Variants in EXOC4 observed in about 807,000 individuals in gnomAD.
The protein encoded by EXOC4 is SEC8-like 1.
A neutral mutation model predicts 107.2 loss-of-function variants in EXOC4; 71 were observed. The ratio of observed to expected loss-of-function variants is 0.66; its 90% CI spans 0.55 to 0.81. The LOEUF (loss-of-function observed/expected upper bound fraction) is 0.81. Among genes scored for constraint, EXOC4 ranks in the 30% least tolerant of loss-of-function variants. EXOC4 has a pLI of 0.00. For missense variants in EXOC4, 1,108 were observed against 1,189.6 expected (o/e 0.93, Z 1.01); for synonymous variants, 456 against 441.2 (o/e 1.03, Z -0.42).
chr7:134,070,674 C>T (rs1796262000), downstream of EXOC4, among the ~76,000 whole-genome samples: 1 of 152,080 alleles, frequency 6.6e-6, no homozygotes, highest in African/African-American at 2.4e-5. Context: ...AGGACATTTA[C>T]ACACCTGGAG....
At chr7:133,289,150 G>C (rs775980744) in intron 3 of EXOC4, 34 bp downstream of exon 3, 2 of 1,588,606 alleles carry the variant, frequency 1.3e-6, no homozygotes. Flanking sequence ...GGTCATTTTT[G>C]TTAAGATGTA....
At chr7:133,725,107 G>C (rs1206310223) in intron 10 of EXOC4, among the ~76,000 whole-genome samples, 2 of 152,130 alleles carry the variant, frequency 1.3e-5, no homozygotes, top group African/African-American at 4.8e-5. Context: ...AACCCTTTGT[G>C]GTTATTGAAC....
intron 15 of EXOC4, among the ~76,000 whole-genome samples, chr7:133,998,696 A>G (rs1184329285): frequency 6.6e-6 from 1 of 152,214 alleles, no homozygotes; most frequent in Admixed American, 6.6e-5. Context: ...CAGATGTCAT[A>G]GAAGCCATGG....
chr7:134,073,192 A>C, the EXOC4 span, among the ~76,000 whole-genome samples: 1 of 116,274 alleles, frequency 8.6e-6, no homozygotes, highest in Non-Finnish European at 1.7e-5. Context: ...GGCAACAGAG[A>C]GAGACTTCCT....
intron 7 of EXOC4, among the ~76,000 whole-genome samples, chr7:133,404,460 C>T (rs962623022): frequency 6.6e-6 from 1 of 152,022 alleles, no homozygotes; most frequent in Non-Finnish European, 1.5e-5. Flanking sequence ...CACACAAGGC[C>T]TTCCTTGAGT....
chr7:133,977,138 A>G (rs1194490171), intron 14 of EXOC4, among the ~76,000 whole-genome samples: 1 of 152,256 alleles, frequency 6.6e-6, no homozygotes, highest in Non-Finnish European at 1.5e-5. Flanking sequence ...AAGCTTTTAC[A>G]GAATAATTGA....
intron 6 of EXOC4, among the ~76,000 whole-genome samples, chr7:133,366,764 A>G (rs901883644): frequency 3.9e-5 from 6 of 152,188 alleles, no homozygotes; most frequent in South Asian, 2.1e-4. Flanking sequence ...TATTTTGCCA[A>G]TCAGTGTCAT....
At chr7:133,454,107 A>T (rs1798409997) in intron 7 of EXOC4, among the ~76,000 whole-genome samples, 1 of 152,216 alleles carries the variant, frequency 6.6e-6, no homozygotes, top group Non-Finnish European at 1.5e-5. Flanking sequence ...AAAATTAAAG[A>T]CATGCTACTA....
intron 9 of EXOC4, among the ~76,000 whole-genome samples, chr7:133,584,245 A>T (rs1475962853): frequency 6.6e-6 from 1 of 152,162 alleles, no homozygotes; most frequent in East Asian, 1.9e-4. Context: ...ATGATTGTGT[A>T]TTTGATCAGA....
At position 133,811,211 on chromosome 7, in the gene EXOC4, C is replaced by T. The variant is rs535802581; in HGVS notation, c.1515-6114C>T. On this transcript the variant is annotated intron_variant, in intron 10 of 17. Coordinates refer to ENST00000253861, the MANE Select transcript of EXOC4 (RefSeq NM_021807.4). Reference sequence around the variant, plus strand: ...AAACCCCTGGTATAAAAGTACTTCACGAGATTAAATAATACTCTTTTGACA... The same window carrying T: ...AAACCCCTGGTATAAAAGTACTTCATGAGATTAAATAATACTCTTTTGACA... 5.3e-5 allele frequency among the ~76,000 whole-genome samples: 8 copies of T among 152,240 alleles called. No homozygotes were observed. In the South Asian group the frequency reaches 1.2e-3, roughly 24 times the overall value.
intron 10 of EXOC4, among the ~76,000 whole-genome samples, chr7:133,783,052 A>C (rs1796500146): frequency 6.6e-6 from 1 of 152,178 alleles, no homozygotes; most frequent in Admixed American, 6.5e-5. Context: ...TAAAATGGGG[A>C]AAATGGGAGT....
At chr7:133,491,599 T>A (rs1799372153) in intron 9 of EXOC4, among the ~76,000 whole-genome samples, 1 of 152,174 alleles carries the variant, frequency 6.6e-6, no homozygotes. Context: ...CACTGGAGGT[T>A]ATGGTGTACA....
chr7:133,851,675 A>G (rs570339941), intron 11 of EXOC4, among the ~76,000 whole-genome samples: 44 of 152,354 alleles, frequency 2.9e-4, no homozygotes, highest in African/African-American at 1.1e-3. Flanking sequence ...TCATGTGGAA[A>G]GTAGAGCAAG....
At chr7:133,660,810 A>T (rs1456767332) in intron 10 of EXOC4, among the ~76,000 whole-genome samples, 1 of 152,088 alleles carries the variant, frequency 6.6e-6, no homozygotes, top group East Asian at 1.9e-4. Flanking sequence ...GATGTGTGGG[A>T]TGTACTGCCG....
intron 3 of EXOC4, among the ~76,000 whole-genome samples, chr7:133,298,564 G>T (rs1163905036): frequency 6.6e-6 from 1 of 152,044 alleles, no homozygotes; most frequent in East Asian, 1.9e-4. Flanking sequence ...GAATTGAAGG[G>T]ACCATGAGGT....
chr7:133,462,116 G>C (rs1030461955), intron 7 of EXOC4, among the ~76,000 whole-genome samples: 2 of 152,190 alleles, frequency 1.3e-5, no homozygotes, highest in African/African-American at 4.8e-5. Context: ...TGAATAAATT[G>C]TAAACATATT....
chr7:133,345,797 T>C (rs1795771153), intron 5 of EXOC4, among the ~76,000 whole-genome samples: 1 of 152,182 alleles, frequency 6.6e-6, no homozygotes, highest in Admixed American at 6.5e-5. Context: ...TTCATGGAAA[T>C]GATAGCCCCA....
downstream of EXOC4, among the ~76,000 whole-genome samples, chr7:134,067,461 C>T (rs1320450503): frequency 6.6e-6 from 1 of 152,112 alleles, no homozygotes; most frequent in Non-Finnish European, 1.5e-5. Context: ...TGGTACTTAG[C>T]ATGTGTTCCC....
intron 5 of EXOC4, among the ~76,000 whole-genome samples, chr7:133,341,239 C>T (rs1163614681): frequency 2.6e-5 from 4 of 152,110 alleles, no homozygotes; most frequent in African/African-American, 9.7e-5. Flanking sequence ...ATCACTGTCA[C>T]TGTTCAGTTC....
Sources: allele counts gnomAD v4.1 joint callset (sites outside exome capture counted in the v4.1 genomes callset), GRCh38; gene constraint gnomAD v4.1.1; transcripts MANE v1.5; gene names NCBI Gene and HGNC (gene_info 2026-07-23, HGNC 2026-07-21).